EDIL3: variants seen among roughly 807,000 people sequenced by gnomAD.
EDIL3 encodes the protein EGF-like repeat and discoidin I-like domain-containing protein 3.
A neutral mutation model predicts 67.4 loss-of-function variants in EDIL3; 37 were observed. The observed-to-expected ratio is 0.55, with a 90% CI of 0.42 to 0.72. The LOEUF (loss-of-function observed/expected upper bound fraction) is 0.72. Among genes scored for constraint, EDIL3 ranks in the 30% least tolerant of loss-of-function variants. The probability of loss-of-function intolerance (pLI) is 0.00; values close to 1 mark genes in which losing one functional copy is unlikely to be tolerated. For missense variants in EDIL3, 527 were observed against 586.3 expected (o/e 0.90, Z 1.04); for synonymous variants, 195 against 196.3 (o/e 0.99, Z 0.05).
At chr5:84,143,103 C>T (rs1315648033) in intron 4 of EDIL3, among the ~76,000 whole-genome samples, 1 of 151,918 alleles carries the variant, frequency 6.6e-6, no homozygotes, top group East Asian at 1.9e-4. Flanking sequence ...TTCAATTTCT[C>T]TTTAAAGATT....
intron 10 of EDIL3, among the ~76,000 whole-genome samples, chr5:83,948,331 G>GT (rs1375127017): frequency 1.3e-5 from 2 of 151,576 alleles, no homozygotes; most frequent in African/African-American, 4.8e-5. Flanking sequence ...TATATACTTA[G>GT]TGTCAACATT....
intron 2 of EDIL3, among the ~76,000 whole-genome samples, chr5:84,240,985 T>G (rs1276363111): frequency 2.0e-5 from 3 of 152,228 alleles, no homozygotes; most frequent in Admixed American, 6.5e-5. Flanking sequence ...AATATCATAA[T>G]GTCTACAGAT....
chr5:84,192,886 G>A lies in EDIL3; in HGVS notation c.227-12365C>T, dbSNP rs534312032. On this transcript the variant is annotated intron_variant, in intron 3 of 10. Coordinates refer to ENST00000296591, the MANE Select transcript of EDIL3 (RefSeq NM_005711.5). ...TGCCCCAATAACCTATTAATAAGAG[G>A]GTCTCTGAAGAAGTGAAGCATAGAC... Among the ~76,000 whole-genome samples, 38 of 151,992 alleles carry A rather than the reference G, an allele frequency of 2.5e-4. No homozygotes were observed. In the South Asian group the frequency reaches 5.8e-3, roughly 23 times the overall value.
intron 1 of EDIL3, among the ~76,000 whole-genome samples, chr5:84,308,991 T>C (rs1047891846): frequency 6.6e-6 from 1 of 152,170 alleles, no homozygotes; most frequent in Non-Finnish European, 1.5e-5. Flanking sequence ...TAAAGGATAC[T>C]GTCGAATTTC....
In EDIL3 at chr5:84,301,813, G is replaced by T. The variant is rs915323364; in HGVS notation, c.68-47601C>A. The stretch of plus-strand genomic sequence containing the variant: ...AGAACTGACTGGTCCAAAGTAAATA[G>T]AAAAGAGGAAGATGAAAAAGAAACA... On this transcript the variant is annotated intron_variant, in intron 1 of 10. Transcript: ENST00000296591. Among the ~76,000 whole-genome samples, 6 of 152,172 alleles carry T rather than the reference G, an allele frequency of 3.9e-5. No individual in the cohort carries two copies. In the East Asian group the frequency reaches 1.2e-3, roughly 29 times the overall value.
chr5:84,138,360 T>A (rs2112316968), intron 4 of EDIL3, among the ~76,000 whole-genome samples: 1 of 152,352 alleles, frequency 6.6e-6, no homozygotes, highest in Admixed American at 6.5e-5. Flanking sequence ...ACAAATGAAG[T>A]TCCTATCTTG....
At chr5:83,960,645 A>C (rs926099041) in intron 10 of EDIL3, among the ~76,000 whole-genome samples, 2 of 151,016 alleles carry the variant, frequency 1.3e-5, no homozygotes, top group Non-Finnish European at 3.0e-5. Context: ...CTGGGCCTTA[A>C]CATTCATTTG....
intron 1 of EDIL3, among the ~76,000 whole-genome samples, chr5:84,306,242 A>T (rs1044601984): frequency 1.3e-5 from 2 of 152,224 alleles, no homozygotes; most frequent in Non-Finnish European, 2.9e-5. Flanking sequence ...AGCACTAAGC[A>T]CTGGCTTGAA....
chr5:84,155,486 G>C (rs543212399), intron 4 of EDIL3, among the ~76,000 whole-genome samples: 26 of 152,152 alleles, frequency 1.7e-4, no homozygotes, highest in African/African-American at 4.8e-4. Flanking sequence ...CAACATGAAG[G>C]CTCATTCATA....
intron 2 of EDIL3, among the ~76,000 whole-genome samples, chr5:84,247,749 T>C (rs1047094447): frequency 1.3e-5 from 2 of 151,978 alleles, no homozygotes; most frequent in East Asian, 1.9e-4. Flanking sequence ...TTTTCCTGAA[T>C]ATATATATGT....
chr5:84,105,598 A>G (rs1296654111), intron 6 of EDIL3, among the ~76,000 whole-genome samples: 1 of 152,060 alleles, frequency 6.6e-6, no homozygotes, highest in African/African-American at 2.4e-5. Flanking sequence ...GAACAGATCA[A>G]TCACCTAAAC....
intron 5 of EDIL3, among the ~76,000 whole-genome samples, chr5:84,112,029 G>A (rs1054578989): frequency 7.9e-5 from 12 of 152,066 alleles, no homozygotes; most frequent in African/African-American, 2.7e-4. Flanking sequence ...GGAATTAGAG[G>A]CAGTTCAGTA....
chr5:84,224,589 G>A (rs1251862314), intron 3 of EDIL3, among the ~76,000 whole-genome samples: 2 of 151,310 alleles, frequency 1.3e-5, no homozygotes, highest in African/African-American at 4.8e-5. Flanking sequence ...TTGTTAAAAG[G>A]TGTTATTTGA....
intron 6 of EDIL3, among the ~76,000 whole-genome samples, chr5:84,104,876 G>A (rs535747495): frequency 6.6e-6 from 1 of 152,110 alleles, no homozygotes; most frequent in African/African-American, 2.4e-5. Context: ...TTAATAAGGT[G>A]TTTCTCAGAG....
At chr5:84,061,663 T>C (rs1301304533) in intron 8 of EDIL3, among the ~76,000 whole-genome samples, 1 of 152,132 alleles carries the variant, frequency 6.6e-6, no homozygotes, top group Non-Finnish European at 1.5e-5. Flanking sequence ...GTGATAATAA[T>C]AGAAACTACC....
chr5:84,089,300 A>T (rs1580321460), intron 6 of EDIL3, among the ~76,000 whole-genome samples: 1 of 152,338 alleles, frequency 6.6e-6, no homozygotes, highest in African/African-American at 2.4e-5. Flanking sequence ...ATACACCCTT[A>T]TCAGGATTTT....
intron 9 of EDIL3, among the ~76,000 whole-genome samples, chr5:83,986,913 G>A (rs1184408661): frequency 6.6e-6 from 1 of 152,136 alleles, no homozygotes; most frequent in Non-Finnish European, 1.5e-5. Context: ...CATGGGAGCA[G>A]GAGGCTGGAA....
chr5:84,160,760 CT>C (rs1748591331), intron 4 of EDIL3, among the ~76,000 whole-genome samples: 1 of 36,316 alleles, frequency 2.8e-5, no homozygotes, highest in Non-Finnish European at 5.9e-5. Flanking sequence ...CTTTCCTTTC[CT>C]TTCCTTTCCT....
chr5:84,156,412 T>G (rs1043169632), intron 4 of EDIL3, among the ~76,000 whole-genome samples: 17 of 152,168 alleles, frequency 1.1e-4, no homozygotes, highest in African/African-American at 4.1e-4. Context: ...GCTCAAGGAC[T>G]CCTTCTTTAT....
Sources: allele counts gnomAD v4.1 joint callset (sites outside exome capture counted in the v4.1 genomes callset), GRCh38; gene constraint gnomAD v4.1.1; transcripts MANE v1.5; gene names NCBI Gene and HGNC (gene_info 2026-07-23, HGNC 2026-07-21).